The following COX10 variants were observed in gnomAD, a reference collection of about 807,000 sequenced individuals.
COX10 encodes cytochrome c oxidase assembly factor heme A:farnesyltransferase COX10.
A neutral mutation model predicts 37.3 loss-of-function variants in COX10; 27 were observed. That is an observed-to-expected ratio of 0.72 (90% CI 0.53 to 1.00). The LOEUF (loss-of-function observed/expected upper bound fraction) is 1.00, where lower values mean the gene tolerates loss of function less well. Among genes scored for constraint, COX10 ranks in the 50% least tolerant of loss-of-function variants. COX10 has a pLI of 0.00. For synonymous variants in COX10, 222 were observed against 229.1 expected, an observed-to-expected ratio of 0.97 and a Z score of 0.28; for missense variants, 475 against 563.2, an observed-to-expected ratio of 0.84 and a Z score of 1.59.
chr17:14,085,560 C>T (rs1915391193), intron 3 of COX10, among the ~76,000 whole-genome samples: 1 of 152,054 alleles, frequency 6.6e-6, no homozygotes, highest in Admixed American at 6.6e-5. Context: ...TCAAAGTTAG[C>T]TGTATAGAAG....
intron 3 of COX10, among the ~76,000 whole-genome samples, chr17:14,079,746 A>AT (rs533702331): frequency 2.9e-4 from 44 of 152,234 alleles, no homozygotes; most frequent in South Asian, 2.3e-3. Context: ...ACCATTCTAG[A>AT]TAAAAACCCC....
Position 14,168,388 on chromosome 17 carries a change from T to C in COX10, c.695+8441T>C, listed in dbSNP as rs549704108. On this transcript the variant is annotated intron_variant, in intron 5 of 6. Transcript: ENST00000261643. ...CCAGGCACATAGTGCAAGCTGTCAG[T>C]GGATCTACCATTCTGAGGTGTGGAG... 1.2e-4 allele frequency among the ~76,000 whole-genome samples: 18 copies of C among 152,286 alleles called. 1 individual carries two copies. The East Asian group carries it at 2.3e-3, about 20-fold the overall frequency.
intron 4 of COX10, among the ~76,000 whole-genome samples, chr17:14,134,545 A>G (rs1030094188): frequency 6.6e-6 from 1 of 151,828 alleles, no homozygotes; most frequent in African/African-American, 2.4e-5. Context: ...TTTGCTTTGT[A>G]TGTGGGACAC....
At chr17:14,106,477 G>T (rs1483014887) in intron 4 of COX10, among the ~76,000 whole-genome samples, 1 of 151,966 alleles carries the variant, frequency 6.6e-6, no homozygotes, top group Non-Finnish European at 1.5e-5. Flanking sequence ...TATTTATTTC[G>T]ATAGTTTTCT....
At chr17:14,155,892 C>T (rs184989452) in intron 4 of COX10, among the ~76,000 whole-genome samples, 60 of 152,068 alleles carry the variant, frequency 3.9e-4, no homozygotes, top group African/African-American at 8.7e-4. Context: ...GGCTTCTTTA[C>T]GATGTTTTCT....
chr17:14,131,078 T>C (rs1916454202), intron 4 of COX10, among the ~76,000 whole-genome samples: 1 of 152,168 alleles, frequency 6.6e-6, no homozygotes, highest in African/African-American at 2.4e-5. Context: ...TGAATTTTTA[T>C]TGTGAAGTGT....
At chr17:14,168,173 G>A (rs142872223) in intron 5 of COX10, among the ~76,000 whole-genome samples, 11 of 152,310 alleles carry the variant, frequency 7.2e-5, no homozygotes, top group East Asian at 1.9e-4. Flanking sequence ...ATGCATGTCC[G>A]AAACCCAAAA....
chr17:14,081,353 T>G (rs548357093), intron 3 of COX10, among the ~76,000 whole-genome samples: 18 of 152,060 alleles, frequency 1.2e-4, no homozygotes, highest in African/African-American at 2.7e-4. Context: ...GAAAGAGAGA[T>G]AGATAGAGAG....
At chr17:14,139,567 A>G (rs146071520) in intron 4 of COX10, among the ~76,000 whole-genome samples, 164 of 152,278 alleles carry the variant, frequency 1.1e-3, no homozygotes, top group African/African-American at 3.8e-3. Context: ...CACCTTTCCT[A>G]TGCCTAAATA....
chr17:14,193,284 T>C (rs1415449471), intron 6 of COX10, among the ~76,000 whole-genome samples: 1 of 152,218 alleles, frequency 6.6e-6, no homozygotes, highest in Admixed American at 6.5e-5. Context: ...TCAGCCTCTT[T>C]CTGCCACTGT....
chr17:14,161,349 AG>A (rs2142240628), intron 5 of COX10, among the ~76,000 whole-genome samples: 1 of 152,344 alleles, frequency 6.6e-6, no homozygotes, highest in South Asian at 2.1e-4. Flanking sequence ...TTCCAATCAC[AG>A]GATAGTAAAA....
At chr17:14,148,825 G>C (rs532100798) in intron 4 of COX10, among the ~76,000 whole-genome samples, 1 of 151,650 alleles carries the variant, frequency 6.6e-6, no homozygotes, top group African/African-American at 2.4e-5. Context: ...AGTATCATAA[G>C]TATATATTGT....
At chr17:14,134,468 G>A (rs1046502567) in intron 4 of COX10, among the ~76,000 whole-genome samples, 1 of 151,752 alleles carries the variant, frequency 6.6e-6, no homozygotes, top group Non-Finnish European at 1.5e-5. Context: ...CACATTGGGA[G>A]ATGAAAAGCA....
Position 14,076,968 on chromosome 17 carries a change from A to G in COX10, c.411A>G (p.Thr137=), listed in dbSNP as rs1235338778. 1 of 1,613,244 alleles carries G rather than the reference A, an allele frequency of 6.2e-7. No homozygotes were observed. Among genetic ancestry groups the G allele is most frequent in the African/African-American group, 1.3e-5 (1 of 74,768 alleles). The change falls in exon 3 of 7, where the codon ACA becomes ACG. Residue 137 remains threonine (T), a synonymous_variant. Transcript: ENST00000261643. ...IEDSIDVGKE[T]KEEKRWKEMK... ...ACTCAATAGATGTAGGGAAAGAGAC[A>G]AAAGAGGAAAAGCGGTGGAAAGAGA...
intron 3 of COX10, among the ~76,000 whole-genome samples, chr17:14,079,936 G>A: frequency 6.6e-6 from 1 of 151,748 alleles, no homozygotes; most frequent in African/African-American, 2.4e-5. Context: ...AGTTTTCACT[G>A]ACAATATTCA....
Position 14,120,191 on chromosome 17 carries a change from G to A in COX10, c.624+17949G>A, listed in dbSNP as rs368526140. The stretch of plus-strand genomic sequence containing the variant: ...GTTTGGTGGAAGGATCATAAGTTCA[G>A]TTTTGGACATGTTGACTTTGAGGTG... On this transcript the variant is annotated intron_variant, in intron 4 of 6. Coordinates refer to ENST00000261643, the MANE Select transcript of COX10 (RefSeq NM_001303.4). Among the ~76,000 whole-genome samples, 14 of 152,296 alleles carry A rather than the reference G, an allele frequency of 9.2e-5. No individual in the cohort carries two copies. The South Asian group carries it at 2.9e-3, about 32-fold the overall frequency.
intron 4 of COX10, among the ~76,000 whole-genome samples, chr17:14,106,605 A>G (rs1017868330): frequency 3.3e-5 from 5 of 152,228 alleles, no homozygotes; most frequent in African/African-American, 1.2e-4. Context: ...TTTGAAATCA[A>G]CTTACACTTC....
chr17:14,146,883 A>G (rs372477505), intron 4 of COX10, among the ~76,000 whole-genome samples: 10 of 152,344 alleles, frequency 6.6e-5, no homozygotes, highest in African/African-American at 1.9e-4. Context: ...GCAGACAGGC[A>G]TATGAGAAGA....
chr17:14,074,257 T>C, intron 1 of COX10, 66 bp from the exon 2 acceptor site: 1 of 1,587,884 alleles, frequency 6.3e-7, no homozygotes. Context: ...TCTGGGGAGG[T>C]GTAGTCATCA....
Sources: allele counts gnomAD v4.1 joint callset (sites outside exome capture counted in the v4.1 genomes callset), GRCh38; gene constraint gnomAD v4.1.1; transcripts MANE v1.5; gene names NCBI Gene and HGNC (gene_info 2026-07-23, HGNC 2026-07-21).